Variants in DNER observed in about 807,000 individuals in gnomAD.
DNER encodes the protein delta/notch like EGF repeat containing.
DNER carries 33 observed loss-of-function variants against 78.2 expected under a neutral mutation model. The observed-to-expected ratio is 0.42, with a 90% CI of 0.32 to 0.56. DNER has a LOEUF of 0.56. Ranked by LOEUF, DNER falls within the 20% of genes least tolerant of loss-of-function variation. The pLI, the probability that DNER is intolerant of heterozygous loss-of-function variation, is 0.11. For synonymous variants in DNER, 417 were observed against 384.8 expected (o/e 1.08, Z -0.98); for missense variants, 918 against 975.3 (o/e 0.94, Z 0.78).
At chr2:229,697,548 T>C (rs966584500) in intron 1 of DNER, among the ~76,000 whole-genome samples, 1 of 152,254 alleles carries the variant, frequency 6.6e-6, no homozygotes. Flanking sequence ...GGATGGTTTA[T>C]GATACAGAGA....
chr2:229,547,423 C>T (rs11893229), intron 4 of DNER, among the ~76,000 whole-genome samples: 23,660 of 152,120 alleles, frequency 0.16, 2,069 homozygotes, highest in Middle Eastern at 0.26. Context: ...GTCTCTCAAT[C>T]CCATCCCTGT....
intron 4 of DNER, among the ~76,000 whole-genome samples, chr2:229,559,516 C>A (rs989085759): frequency 1.3e-5 from 2 of 151,996 alleles, no homozygotes; most frequent in African/African-American, 2.4e-5. Context: ...GGAGGTCAGA[C>A]CTTTGGCAAC....
intron 4 of DNER, among the ~76,000 whole-genome samples, chr2:229,581,374 CCTCCGATG>C (rs1349498090): frequency 6.6e-6 from 1 of 152,164 alleles, no homozygotes; most frequent in African/African-American, 2.4e-5. Flanking sequence ...CTAATGAGCA[CCTCCGATG>C]CTCCCCGAGA....
chr2:229,463,481 C>G (rs1694744370), intron 7 of DNER, among the ~76,000 whole-genome samples: 1 of 152,124 alleles, frequency 6.6e-6, no homozygotes, highest in Non-Finnish European at 1.5e-5. Flanking sequence ...CGCTTTGTCT[C>G]CCAGGCTGGA....
At chr2:229,411,102 C>T (rs1020469385) in intron 9 of DNER, among the ~76,000 whole-genome samples, 1 of 152,158 alleles carries the variant, frequency 6.6e-6, no homozygotes, top group African/African-American at 2.4e-5. Context: ...CTGACTTATC[C>T]TTTTTGTATT....
intron 7 of DNER, among the ~76,000 whole-genome samples, chr2:229,463,613 A>T (rs954646230): frequency 1.3e-5 from 2 of 151,886 alleles, no homozygotes; most frequent in Non-Finnish European, 2.9e-5. Context: ...TTAAATTTCA[A>T]TTTTTTTATG....
At position 229,688,863 on chromosome 2, in the gene DNER, G is replaced by A. The variant is rs569323681; in HGVS notation, c.276+25285C>T. On this transcript the variant is annotated intron_variant, in intron 1 of 12. Coordinates refer to ENST00000341772, the MANE Select transcript of DNER (RefSeq NM_139072.4). ...TTACAGGGACATGGAGCTGGAAGCC[G>A]TCATCCTGAGCAAACTAACACAGGA... Among the ~76,000 whole-genome samples, 52 of 152,268 alleles carry A rather than the reference G, an allele frequency of 3.4e-4. 1 individual carries two copies. Among genetic ancestry groups the A allele is most frequent in the South Asian group, 2.3e-3 (11 of 4,822 alleles).
chr2:229,385,529 A>T (rs913674927), intron 11 of DNER, among the ~76,000 whole-genome samples: 2 of 152,150 alleles, frequency 1.3e-5, no homozygotes, highest in Non-Finnish European at 2.9e-5. Flanking sequence ...AGGAAGTAAA[A>T]TTGTCTCTGT....
At chr2:229,426,629 G>T (rs147303386) in intron 8 of DNER, among the ~76,000 whole-genome samples, 1 of 151,608 alleles carries the variant, frequency 6.6e-6, no homozygotes, top group East Asian at 2.0e-4. Flanking sequence ...AATCTGTGTG[G>T]GTGCGTGTGT....
chr2:229,586,139 GGAGATCGATGGCATAAACA>G (rs1697491071), intron 3 of DNER, 115 bp from the exon 4 acceptor site: 1 of 1,263,526 alleles, frequency 7.9e-7, no homozygotes, highest in African/African-American at 1.5e-5. Flanking sequence ...CAAGGTACCA[GGAGATCGATGGCATAAACA>G]GATACGCGGG....
At chr2:229,474,747 C>T (rs561437881) in intron 7 of DNER, among the ~76,000 whole-genome samples, 38 of 152,238 alleles carry the variant, frequency 2.5e-4, no homozygotes, top group African/African-American at 8.9e-4. Context: ...CAGCACAACC[C>T]ACTGCAAAGC....
At chr2:229,607,373 G>A (rs1387330290) in intron 1 of DNER, among the ~76,000 whole-genome samples, 2 of 152,120 alleles carry the variant, frequency 1.3e-5, no homozygotes, top group Admixed American at 1.3e-4. Context: ...ACCCTGTGAG[G>A]CAGTTACTGT....
chr2:229,704,748 C>A (rs1389760863), intron 1 of DNER, among the ~76,000 whole-genome samples: 2 of 152,108 alleles, frequency 1.3e-5, no homozygotes, highest in Non-Finnish European at 2.9e-5. Context: ...TGTCAAAATG[C>A]ATAGAAATGA....
At chr2:229,544,900 G>T (rs1183916965) in intron 5 of DNER, among the ~76,000 whole-genome samples, 1 of 152,166 alleles carries the variant, frequency 6.6e-6, no homozygotes, top group Non-Finnish European at 1.5e-5. Context: ...TTTCTAAGAT[G>T]ACAAGAACAG....
chr2:229,386,501 C>T (rs112642366), intron 11 of DNER, among the ~76,000 whole-genome samples: 4,465 of 151,972 alleles, frequency 0.029, 97 homozygotes, highest in African/African-American at 0.06. Context: ...AGCTTCTGGA[C>T]AGCAAAAGAA....
intron 1 of DNER, among the ~76,000 whole-genome samples, chr2:229,616,456 A>T (rs1439309883): frequency 6.6e-6 from 1 of 152,118 alleles, no homozygotes. Flanking sequence ...CTTCTGATCT[A>T]GGGTGATGAT....
intron 7 of DNER, among the ~76,000 whole-genome samples, chr2:229,471,631 G>A (rs1694926237): frequency 6.6e-6 from 1 of 152,142 alleles, no homozygotes; most frequent in African/African-American, 2.4e-5. Flanking sequence ...GAAAACTAAG[G>A]GTGGAAGAGA....
At chr2:229,648,245 A>G (rs2154216197) in intron 1 of DNER, among the ~76,000 whole-genome samples, 2 of 152,318 alleles carry the variant, frequency 1.3e-5, no homozygotes, top group Middle Eastern at 6.8e-3. Flanking sequence ...CTGTACCAGG[A>G]TCATGTTTGC....
chr2:229,622,378 CA>C (rs1420265101), intron 1 of DNER, among the ~76,000 whole-genome samples: 2 of 152,152 alleles, frequency 1.3e-5, no homozygotes, highest in African/African-American at 4.8e-5. Flanking sequence ...ACAAAACCCT[CA>C]AATTCTCATA....
Sources: gnomAD v4.1 joint callset for allele counts (sites outside exome capture counted in the v4.1 genomes callset) on GRCh38, gnomAD v4.1.1 for gene constraint, MANE v1.5 for transcripts, NCBI Gene and HGNC (gene_info 2026-07-23, HGNC 2026-07-21) for gene names.